Variants in KCND2 observed in about 807,000 individuals in gnomAD.
KCND2 encodes the protein A-type voltage-gated potassium channel KCND2.
KCND2 carries 16 observed loss-of-function variants against 54.4 expected under a neutral mutation model. The ratio of observed to expected loss-of-function variants is 0.29; its 90% CI spans 0.20 to 0.45. The LOEUF (loss-of-function observed/expected upper bound fraction) is 0.45, where lower values mean the gene tolerates loss of function less well. Among genes scored for constraint, KCND2 ranks in the 20% least tolerant of loss-of-function variants. The probability of loss-of-function intolerance (pLI) is 1.00; values close to 1 mark genes in which losing one functional copy is unlikely to be tolerated. For synonymous variants in KCND2, 317 were observed against 310.7 expected (o/e 1.02, Z -0.21); for missense variants, 486 against 824.2 (o/e 0.59, Z 5.02).
At chr7:120,693,247 G>GA (rs35084921) in intron 1 of KCND2, among the ~76,000 whole-genome samples, 1 of 152,078 alleles carries the variant, frequency 6.6e-6, no homozygotes, top group African/African-American at 2.4e-5. Context: ...TATTGAAAGG[G>GA]AAAAAGGAAA....
At chr7:120,665,412 A>G (rs903515048) in intron 1 of KCND2, among the ~76,000 whole-genome samples, 2 of 152,060 alleles carry the variant, frequency 1.3e-5, no homozygotes, top group African/African-American at 2.4e-5. Flanking sequence ...TTTACTTGAT[A>G]TATCAATGCA....
At chr7:120,735,892 T>C (rs1792863635) in intron 2 of KCND2, among the ~76,000 whole-genome samples, 3 of 151,988 alleles carry the variant, frequency 2.0e-5, no homozygotes, top group African/African-American at 4.8e-5. Context: ...ACTAAATAAG[T>C]TACCAGGGGA....
intron 1 of KCND2, among the ~76,000 whole-genome samples, chr7:120,493,757 A>G (rs1039952271): frequency 6.6e-6 from 1 of 152,114 alleles, no homozygotes; most frequent in Non-Finnish European, 1.5e-5. Context: ...ACACTCATAT[A>G]TTGCTCATGG....
intron 1 of KCND2, among the ~76,000 whole-genome samples, chr7:120,680,088 T>G (rs1792120247): frequency 6.6e-6 from 1 of 152,074 alleles, no homozygotes; most frequent in Admixed American, 6.6e-5. Flanking sequence ...TACAAGACAA[T>G]CTAAAGGAGA....
At chr7:120,451,062 C>T (rs1430812592) in intron 1 of KCND2, among the ~76,000 whole-genome samples, 2 of 152,106 alleles carry the variant, frequency 1.3e-5, no homozygotes, top group East Asian at 3.9e-4. Context: ...TTGATTCTTC[C>T]TCAAGCAAAG....
chr7:120,617,260 G>C (rs1401234677), intron 1 of KCND2, among the ~76,000 whole-genome samples: 1 of 152,084 alleles, frequency 6.6e-6, no homozygotes, highest in Non-Finnish European at 1.5e-5. Context: ...ACAGCATGAT[G>C]TCTTAGAGTG....
chr7:120,320,145 A>G (rs1033883654), intron 1 of KCND2, among the ~76,000 whole-genome samples: 4 of 152,174 alleles, frequency 2.6e-5, no homozygotes, highest in Non-Finnish European at 4.4e-5. Context: ...AATTGGGAGT[A>G]TGTGCCAGAC....
rs1802048666 is a variant in KCND2, at chr7:120,448,271, C to A, written c.1115+172524C>A. On this transcript the variant is annotated intron_variant, in intron 1 of 5. Coordinates refer to ENST00000331113, the MANE Select transcript of KCND2 (RefSeq NM_012281.3). Reference sequence around the variant, plus strand: ...TTCAATTCCCACCCATTAATGAGAACATGCAGTGTTTGGTTTTCTGTCCTT... The same window carrying A: ...TTCAATTCCCACCCATTAATGAGAAAATGCAGTGTTTGGTTTTCTGTCCTT... Among the ~76,000 whole-genome samples the A allele has an allele frequency of 2.0e-5, 3 of 149,628 alleles. No homozygotes were observed. In the South Asian group the frequency reaches 6.5e-4, roughly 33 times the overall value.
At chr7:120,541,748 A>C (rs993574485) in intron 1 of KCND2, among the ~76,000 whole-genome samples, 30 of 152,182 alleles carry the variant, frequency 2.0e-4, no homozygotes, top group Non-Finnish European at 2.8e-4. Context: ...GCATGGTGTG[A>C]TAATTCTTCA....
intron 1 of KCND2, among the ~76,000 whole-genome samples, chr7:120,385,246 G>A (rs1457001484): frequency 6.6e-6 from 1 of 151,608 alleles, no homozygotes; most frequent in Non-Finnish European, 1.5e-5. Flanking sequence ...GCCTGCCTCA[G>A]CCTCTCAAAG....
In KCND2 at chr7:120,747,904, A is replaced by C; in HGVS notation, c.*46A>C. 7.2e-7 allele frequency: 1 copy of C among 1,394,238 alleles called. No homozygotes were observed. Among genetic ancestry groups the C allele is most frequent in the South Asian group, 1.2e-5 (1 of 84,572 alleles). The allele number at this position is 1,394,238 out of a possible 1,614,324, so 86.4% of individuals were successfully genotyped here. On this transcript the variant is annotated 3_prime_UTR_variant, in exon 6 of 6. Coordinates refer to ENST00000331113, the MANE Select transcript of KCND2 (RefSeq NM_012281.3). Reference sequence around the variant, plus strand: ...AGAGAATTCGAGCCCTGGCTGTGAAAAGAATCTCAACATAGAAGAAAGAAG... The same window carrying C: ...AGAGAATTCGAGCCCTGGCTGTGAACAGAATCTCAACATAGAAGAAAGAAG...
intron 1 of KCND2, among the ~76,000 whole-genome samples, chr7:120,366,924 T>TCCTCCCTCCCTTTCTC (rs1274545166): frequency 6.6e-6 from 1 of 152,070 alleles, no homozygotes; most frequent in Non-Finnish European, 1.5e-5. Flanking sequence ...ATTCCTTTCT[T>TCCTCCCTCCCTTTCTC]CCTCCCTCCC....
chr7:120,284,987 G>A (rs1260070448), intron 1 of KCND2, among the ~76,000 whole-genome samples: 17 of 152,070 alleles, frequency 1.1e-4, no homozygotes, highest in Admixed American at 1.1e-3. Flanking sequence ...ATGAGAGACT[G>A]AACTAGTAAC....
At chr7:120,430,729 A>G (rs1801776899) in intron 1 of KCND2, among the ~76,000 whole-genome samples, 1 of 152,218 alleles carries the variant, frequency 6.6e-6, no homozygotes, top group South Asian at 2.1e-4. Flanking sequence ...TTATTCACAT[A>G]CATTATCAAA....
At chr7:120,426,979 G>A (rs11761549) in intron 1 of KCND2, among the ~76,000 whole-genome samples, 41,856 of 151,986 alleles carry the variant, frequency 0.28, 8,371 homozygotes, top group East Asian at 0.57. Flanking sequence ...TGGTGAGGGG[G>A]AAATTCTCTA....
intron 1 of KCND2, among the ~76,000 whole-genome samples, chr7:120,318,141 G>A (rs534068856): frequency 6.6e-6 from 1 of 152,114 alleles, no homozygotes; most frequent in Non-Finnish European, 1.5e-5. Context: ...AAATGCAAGT[G>A]GCTTCAGTTC....
Position 120,274,952 on chromosome 7 carries a change from C to G in KCND2, c.320C>G (p.Pro107Arg). Residue 107 changes from proline to arginine, a missense_variant, in exon 1 of 6, where the codon CCT becomes CGT. Physicochemically the swap from Pro to Arg is moderately radical, Grantham distance 103. Transcript: ENST00000331113. ...NFYRTGKLHYPRHECISAYDE... is the reference protein window; with the variant it reads ...NFYRTGKLHYRRHECISAYDE... ...TACCGCACTGGGAAGCTCCACTATC[C>G]TCGCCACGAGTGCATCTCTGCTTAC... 6.2e-7 allele frequency: 1 copy of G among 1,614,142 alleles called. No individual in the cohort carries two copies. Among genetic ancestry groups the G allele is most frequent in the South Asian group, 1.1e-5 (1 of 91,074 alleles).
At chr7:120,506,619 A>G (rs1803024139) in intron 1 of KCND2, among the ~76,000 whole-genome samples, 1 of 151,952 alleles carries the variant, frequency 6.6e-6, no homozygotes, top group African/African-American at 2.4e-5. Flanking sequence ...AAACAAACGT[A>G]CTGATGAACT....
At chr7:120,390,641 T>C (rs573631575) in intron 1 of KCND2, among the ~76,000 whole-genome samples, 93 of 152,142 alleles carry the variant, frequency 6.1e-4, no homozygotes, top group African/African-American at 2.2e-3. Flanking sequence ...GATTCATTAC[T>C]AAGTAACATA....
Sources: allele counts gnomAD v4.1 joint callset (sites outside exome capture counted in the v4.1 genomes callset), GRCh38; gene constraint gnomAD v4.1.1; transcripts MANE v1.5; gene names NCBI Gene and HGNC (gene_info 2026-07-23, HGNC 2026-07-21).